Variants in RALGPS2 observed in about 807,000 individuals in gnomAD.
RALGPS2 encodes Ral GEF with PH domain and SH3 binding motif 2.
Under a neutral mutation model 86.8 loss-of-function variants are expected in RALGPS2, and 43 were observed. The ratio of observed to expected loss-of-function variants is 0.50; its 90% CI spans 0.39 to 0.64. The LOEUF (loss-of-function observed/expected upper bound fraction) is 0.64, where lower values mean the gene tolerates loss of function less well. RALGPS2 is among the 30% of genes least tolerant of loss of function. The probability of loss-of-function intolerance (pLI) is 0.00; values close to 1 mark genes in which losing one functional copy is unlikely to be tolerated. For missense variants in RALGPS2, 536 were observed against 694.6 expected (o/e 0.77, Z 2.57); for synonymous variants, 243 against 231.3 (o/e 1.05, Z -0.46).
intron 1 of RALGPS2, among the ~76,000 whole-genome samples, chr1:178,773,515 A>G (rs1263552983): frequency 6.6e-6 from 1 of 152,242 alleles, no homozygotes; most frequent in Non-Finnish European, 1.5e-5. Context: ...ATAAACTCGT[A>G]TCTCTGTCTT....
intron 19 of RALGPS2, among the ~76,000 whole-genome samples, chr1:178,914,343 G>T (rs1660733269): frequency 2.0e-5 from 3 of 152,078 alleles, no homozygotes; most frequent in Non-Finnish European, 4.4e-5. Context: ...AGGACTATGG[G>T]ATCTCCTGCC....
At chr1:178,733,022 A>G (rs1415203529) in intron 1 of RALGPS2, among the ~76,000 whole-genome samples, 1 of 152,190 alleles carries the variant, frequency 6.6e-6, no homozygotes, top group Non-Finnish European at 1.5e-5. Context: ...ACTTCATGAA[A>G]TCAGTTGTAA....
chr1:178,742,132 CAAAAAAAAAA>C (rs34861793), intron 1 of RALGPS2, among the ~76,000 whole-genome samples: 1 of 82,700 alleles, frequency 1.2e-5, no homozygotes, highest in East Asian at 3.4e-4. Flanking sequence ...AAGATTCCGT[CAAAAAAAAAA>C]AAAAAAAAAG....
In RALGPS2 at chr1:178,832,324, C is replaced by T. The variant is rs780504828; in HGVS notation, c.481-1100C>T. Among the ~76,000 whole-genome samples, 22 of 152,140 alleles carry T rather than the reference C, an allele frequency of 1.4e-4. 1 individual carries two copies. Among genetic ancestry groups the T allele is most frequent in the Non-Finnish European group, 1.6e-4 (11 of 68,006 alleles). On this transcript the variant is annotated intron_variant, in intron 7 of 19. Coordinates refer to ENST00000367635, the MANE Select transcript of RALGPS2 (RefSeq NM_152663.5). ...CTAATAGAGATTTTCTGAAGATAGT[C>T]TGCATCTTTGAGCCTCTGAACAATA... is the stretch of plus-strand genomic sequence containing the variant.
intron 8 of RALGPS2, 40 bp downstream of exon 8, chr1:178,833,590 A>G: frequency 1.3e-6 from 2 of 1,508,290 alleles, no homozygotes; most frequent in African/African-American, 1.5e-5. Flanking sequence ...TCTAGTTGTT[A>G]CTCTTCCTTA....
rs1355931148 is a variant in RALGPS2, at chr1:178,908,698, C to G, written c.1722+1831C>G. Among the ~76,000 whole-genome samples, 5 of 152,122 alleles carry G rather than the reference C, an allele frequency of 3.3e-5. No individual in the cohort carries two copies. In the East Asian group the frequency reaches 9.6e-4, roughly 29 times the overall value. ...TGGCCGTTTTTCAAATGCTTGTTGG[C>G]CATGTGTATTTCTTCTCTTGAGAAG... On this transcript the variant is annotated intron_variant, in intron 19 of 19. Transcript: ENST00000367635.
At chr1:178,856,202 G>GAGAGAT (rs1428022812) in intron 8 of RALGPS2, among the ~76,000 whole-genome samples, 23 of 83,906 alleles carry the variant, frequency 2.7e-4, no homozygotes, top group Non-Finnish European at 3.3e-4. Context: ...GAGAGAGAGA[G>GAGAGAT]ATATATATAT....
intron 17 of RALGPS2, among the ~76,000 whole-genome samples, chr1:178,900,718 G>A (rs760639868): frequency 4.6e-5 from 7 of 151,990 alleles, no homozygotes; most frequent in East Asian, 3.9e-4. Context: ...CCATTAATAC[G>A]TAAAAACCAA....
intron 1 of RALGPS2, among the ~76,000 whole-genome samples, chr1:178,731,467 G>A (rs1650355736): frequency 6.6e-6 from 1 of 151,688 alleles, no homozygotes; most frequent in East Asian, 1.9e-4. Context: ...ATTTTTGGTA[G>A]AGATGGTGTT....
At chr1:178,869,721 T>TATG (rs1658631321) in intron 8 of RALGPS2, among the ~76,000 whole-genome samples, 1 of 152,150 alleles carries the variant, frequency 6.6e-6, no homozygotes, top group South Asian at 2.1e-4. Context: ...GCTTTACCAT[T>TATG]ATTTGCTTGT....
intron 8 of RALGPS2, among the ~76,000 whole-genome samples, chr1:178,838,687 A>G (rs547695275): frequency 2.0e-5 from 3 of 152,336 alleles, no homozygotes; most frequent in African/African-American, 7.2e-5. Context: ...GAGTTGAGAG[A>G]AGAAGGCTTC....
At chr1:178,790,325 G>A (rs1309058145) in intron 4 of RALGPS2, among the ~76,000 whole-genome samples, 1 of 152,072 alleles carries the variant, frequency 6.6e-6, no homozygotes, top group African/African-American at 2.4e-5. Context: ...AAAGGCCTTT[G>A]TTATCTGGCA....
At chr1:178,887,369 T>C (rs1659535595) in intron 13 of RALGPS2, among the ~76,000 whole-genome samples, 1 of 152,106 alleles carries the variant, frequency 6.6e-6, no homozygotes, top group Admixed American at 6.6e-5. Context: ...ATAGGAATCA[T>C]TTGAACCCAG....
intron 4 of RALGPS2, among the ~76,000 whole-genome samples, chr1:178,803,229 A>G (rs1347795650): frequency 6.6e-6 from 1 of 152,182 alleles, no homozygotes; most frequent in African/African-American, 2.4e-5. Flanking sequence ...GTGCAAGGAT[A>G]TTCATTATTT....
chr1:178,800,208 A>G (rs1167073817), intron 4 of RALGPS2, among the ~76,000 whole-genome samples: 2 of 152,226 alleles, frequency 1.3e-5, no homozygotes, highest in Non-Finnish European at 2.9e-5. Context: ...TAGTGATTCA[A>G]GACTGCATTT....
chr1:178,880,025 G>C (rs1659174767), intron 10 of RALGPS2, among the ~76,000 whole-genome samples: 1 of 151,484 alleles, frequency 6.6e-6, no homozygotes, highest in Admixed American at 6.6e-5. Context: ...AGCTTCATTT[G>C]TTACTTTTTT....
At chr1:178,763,637 G>A (rs1652357062) in intron 1 of RALGPS2, among the ~76,000 whole-genome samples, 1 of 152,026 alleles carries the variant, frequency 6.6e-6, no homozygotes, top group South Asian at 2.1e-4. Flanking sequence ...TTTTGCTTTG[G>A]CTCTCAGTTT....
intron 6 of RALGPS2, among the ~76,000 whole-genome samples, chr1:178,818,494 T>C (rs542858767): frequency 8.5e-5 from 13 of 152,368 alleles, no homozygotes; most frequent in Non-Finnish European, 1.8e-4. Flanking sequence ...CTGTACTTTG[T>C]ATGGTACAGG....
At chr1:178,854,336 A>G (rs1443152087) in intron 8 of RALGPS2, among the ~76,000 whole-genome samples, 1 of 152,174 alleles carries the variant, frequency 6.6e-6, no homozygotes, top group Non-Finnish European at 1.5e-5. Flanking sequence ...GGAACATACT[A>G]GTACCTTGAG....
Sources: allele counts gnomAD v4.1 joint callset (sites outside exome capture counted in the v4.1 genomes callset), GRCh38; gene constraint gnomAD v4.1.1; transcripts MANE v1.5; gene names NCBI Gene and HGNC (gene_info 2026-07-23, HGNC 2026-07-21).